The following FAM20B variants were observed in gnomAD, a reference collection of about 807,000 sequenced individuals.
The protein encoded by FAM20B is glycosaminoglycan xylosylkinase.
In FAM20B, 23 loss-of-function variants were observed where a neutral mutation model predicts 43.8. That is an observed-to-expected ratio of 0.53 (90% CI 0.38 to 0.74). FAM20B has a LOEUF of 0.74. FAM20B is among the 30% of genes least tolerant of loss of function. The probability of loss-of-function intolerance (pLI) is 0.00; values close to 1 mark genes in which losing one functional copy is unlikely to be tolerated. For missense variants in FAM20B, 440 were observed against 510.5 expected (o/e 0.86, Z 1.33); for synonymous variants, 178 against 192.4 (o/e 0.93, Z 0.62).
intron 3 of FAM20B, among the ~76,000 whole-genome samples, chr1:179,051,692 A>C (rs975774243): frequency 6.6e-6 from 1 of 152,168 alleles, no homozygotes; most frequent in Non-Finnish European, 1.5e-5. Context: ...TGTCCTCCAG[A>C]CTGGAGTGCA....
upstream of FAM20B, among the ~76,000 whole-genome samples, chr1:179,022,936 A>C (rs1180092288): frequency 6.6e-6 from 1 of 152,204 alleles, no homozygotes; most frequent in Non-Finnish European, 1.5e-5. Flanking sequence ...GCTGTATAAC[A>C]TTTTTACAGG....
intron 4 of FAM20B, among the ~76,000 whole-genome samples, chr1:179,063,554 C>T (rs1651563525): frequency 6.6e-6 from 1 of 152,190 alleles, no homozygotes; most frequent in Non-Finnish European, 1.5e-5. Context: ...CGCCACTGCA[C>T]TCCAGCTTGG....
intron 4 of FAM20B, among the ~76,000 whole-genome samples, chr1:179,059,464 ATC>A (rs1489097677): frequency 6.6e-6 from 1 of 152,102 alleles, no homozygotes; most frequent in Non-Finnish European, 1.5e-5. Context: ...GAGTCTTGCA[ATC>A]TCATCATTAA....
intron 2 of FAM20B, among the ~76,000 whole-genome samples, chr1:179,049,394 TAAAAA>T (rs1038837069): frequency 1.3e-5 from 2 of 151,168 alleles, no homozygotes; most frequent in Non-Finnish European, 3.0e-5. Context: ...ATCATAAACT[TAAAAA>T]AAAAGAACAA....
At chr1:179,064,608 T>C (rs1418475587) in intron 6 of FAM20B, 112 bp downstream of exon 6, 2 of 803,674 alleles carry the variant, frequency 2.5e-6, no homozygotes, top group Non-Finnish European at 3.9e-6. Context: ...GCAACATCCT[T>C]CTTTTTTCCA....
chr1:179,031,816 CAG>C (rs1357416915), intron 1 of FAM20B, among the ~76,000 whole-genome samples: 2 of 152,220 alleles, frequency 1.3e-5, no homozygotes, highest in African/African-American at 2.4e-5. Context: ...CTTTAAAACA[CAG>C]AACTAATTTT....
chr1:179,066,797 C>T lies in FAM20B; in HGVS notation c.939-3C>T. ...ATTCACTAAGTTTTAATTTAATTTTCAGCTTTGGGAACCCCTCGCTGGATG... is the reference window on the plus strand; with the variant it reads ...ATTCACTAAGTTTTAATTTAATTTTTAGCTTTGGGAACCCCTCGCTGGATG... On this transcript the variant is annotated splice_polypyrimidine_tract_variant and splice_region_variant and intron_variant, in intron 6 of 7. Transcript: ENST00000263733. The T allele has an allele frequency of 6.2e-7, 1 of 1,607,830 alleles. No homozygotes were observed. Among genetic ancestry groups the T allele is most frequent in the Non-Finnish European group, 8.5e-7 (1 of 1,174,270 alleles).
At chr1:179,030,662 A>G (rs1649972323) in intron 1 of FAM20B, among the ~76,000 whole-genome samples, 1 of 152,216 alleles carries the variant, frequency 6.6e-6, no homozygotes, top group Non-Finnish European at 1.5e-5. Flanking sequence ...TGTCTCTGAA[A>G]GAGGCAGTCT....
At chr1:179,036,250 T>A (rs934012173) in intron 1 of FAM20B, among the ~76,000 whole-genome samples, 1 of 152,208 alleles carries the variant, frequency 6.6e-6, no homozygotes, top group Non-Finnish European at 1.5e-5. Flanking sequence ...TTTCCAGAAC[T>A]CCAGGCTGGG....
upstream of FAM20B, among the ~76,000 whole-genome samples, chr1:179,022,985 G>A (rs1649632392): frequency 1.3e-5 from 2 of 152,328 alleles, no homozygotes; most frequent in African/African-American, 4.8e-5. Flanking sequence ...GAATCAATGT[G>A]ATCACAACCA....
chr1:179,038,423 A>G (rs957760510), intron 1 of FAM20B, among the ~76,000 whole-genome samples: 1 of 151,864 alleles, frequency 6.6e-6, no homozygotes, highest in Non-Finnish European at 1.5e-5. Flanking sequence ...AAAAAAAAAA[A>G]AAAGAAAAAA....
chr1:179,042,332 A>G (rs777677113), intron 1 of FAM20B, among the ~76,000 whole-genome samples: 1 of 152,206 alleles, frequency 6.6e-6, no homozygotes, highest in Non-Finnish European at 1.5e-5. Context: ...CTCCAAGCAT[A>G]AGCACAGCTG....
chr1:179,041,653 AC>A (rs1237002685), intron 1 of FAM20B, among the ~76,000 whole-genome samples: 5 of 118,082 alleles, frequency 4.2e-5, no homozygotes, highest in African/African-American at 1.7e-4. Context: ...GAGACGGGAG[AC>A]GGGAGATGGG....
chr1:179,065,697 A>G (rs1215947023), intron 6 of FAM20B, among the ~76,000 whole-genome samples: 1 of 152,218 alleles, frequency 6.6e-6, no homozygotes, highest in African/African-American at 2.4e-5. Context: ...ATTACAGCAA[A>G]GCACATAGCA....
chr1:179,057,843 A>G (rs1348009710), intron 4 of FAM20B, among the ~76,000 whole-genome samples: 1 of 151,704 alleles, frequency 6.6e-6, no homozygotes, highest in Non-Finnish European at 1.5e-5. Flanking sequence ...GGGGGTGGGA[A>G]TAGGGAGGTG....
chr1:179,068,255 G>A (rs1004787030), intron 7 of FAM20B, among the ~76,000 whole-genome samples: 2 of 152,068 alleles, frequency 1.3e-5, no homozygotes, highest in Non-Finnish European at 2.9e-5. Context: ...AAATTCTGTA[G>A]AAAGTAACAG....
At chr1:179,062,964 A>T (rs1364777598) in intron 4 of FAM20B, among the ~76,000 whole-genome samples, 3 of 152,048 alleles carry the variant, frequency 2.0e-5, no homozygotes, top group Non-Finnish European at 2.9e-5. Context: ...GAAGAGGAGG[A>T]TGTTACTTTC....
upstream of FAM20B, among the ~76,000 whole-genome samples, chr1:179,021,005 A>C (rs1649595852): frequency 6.6e-6 from 1 of 152,208 alleles, no homozygotes; most frequent in East Asian, 1.9e-4. Context: ...CAGGAGGCAG[A>C]GTTTGCAGTG....
rs768903406 is a variant in FAM20B, at chr1:179,037,479, CTTTTTTTT to C, written c.-133-6222_-133-6215del. Among the ~76,000 whole-genome samples the C allele has an allele frequency of 1.5e-4, 13 of 88,364 alleles. No homozygotes were observed. In the East Asian group the frequency reaches 3.5e-3, roughly 24 times the overall value. The allele number at this position is 88,364 out of a possible 152,430, so 58.0% of individuals were successfully genotyped here. A position where few individuals can be genotyped will look rare whatever the true frequency, so the allele number is the denominator to read the frequency against. On this transcript the variant is annotated intron_variant, in intron 1 of 7. Coordinates refer to ENST00000263733, the MANE Select transcript of FAM20B (RefSeq NM_014864.4). ...GCTTGCTTGCTTTCTGTATGTCGGT[CTTTTTTTT>C]TTTTTTTTTTTTTGTGAGACGGAGC...
Sources: allele counts gnomAD v4.1 joint callset (sites outside exome capture counted in the v4.1 genomes callset), GRCh38; gene constraint gnomAD v4.1.1; transcripts MANE v1.5; gene names NCBI Gene and HGNC (gene_info 2026-07-23, HGNC 2026-07-21).